Variants in FYN observed in about 807,000 individuals in gnomAD.
FYN encodes FYN proto-oncogene, Src family tyrosine kinase, also known as tyrosine-protein kinase Fyn.
Under a neutral mutation model 70.2 loss-of-function variants are expected in FYN, and 10 were observed. The ratio of observed to expected loss-of-function variants is 0.14; its 90% CI spans 0.09 to 0.24. The LOEUF is 0.24. FYN is among the 10% of genes least tolerant of loss of function. The probability of loss-of-function intolerance (pLI) is 1.00; values close to 1 mark genes in which losing one functional copy is unlikely to be tolerated. For missense variants in FYN, 319 were observed against 673.1 expected, an observed-to-expected ratio of 0.47 and a Z score of 5.82; for synonymous variants, 236 against 248.6, an observed-to-expected ratio of 0.95 and a Z score of 0.48.
intron 12 of FYN, among the ~76,000 whole-genome samples, chr6:111,676,905 A>AT (rs1282235102): frequency 6.6e-6 from 1 of 152,200 alleles, no homozygotes; most frequent in Non-Finnish European, 1.5e-5. Flanking sequence ...ATAATTTCAG[A>AT]TTAAAAAAAA....
At chr6:111,717,593 C>T (rs1001592028) in intron 4 of FYN, among the ~76,000 whole-genome samples, 1 of 152,066 alleles carries the variant, frequency 6.6e-6, no homozygotes, top group South Asian at 2.1e-4. Context: ...TCCCGAGTAG[C>T]TGGGATTACA....
chr6:111,823,483 G>A (rs927283543), intron 2 of FYN, among the ~76,000 whole-genome samples: 1 of 152,140 alleles, frequency 6.6e-6, no homozygotes, highest in African/African-American at 2.4e-5. Context: ...TTGGCATTGA[G>A]GAGAAAATGT....
intron 2 of FYN, among the ~76,000 whole-genome samples, chr6:111,794,077 C>T (rs561853109): frequency 1.1e-4 from 16 of 152,322 alleles, no homozygotes; most frequent in Admixed American, 7.8e-4. Context: ...GAGAAGATCC[C>T]GGGGCAGGGC....
chr6:111,844,950 T>C (rs960063245), intron 2 of FYN: 7 of 152,228 alleles, frequency 4.6e-5, no homozygotes, highest in African/African-American at 1.4e-4. Flanking sequence ...AAAATGAAAC[T>C]TGGGGAGGAG....
intron 3 of FYN, among the ~76,000 whole-genome samples, chr6:111,770,060 G>A (rs1315171660): frequency 6.6e-6 from 1 of 152,046 alleles, no homozygotes; most frequent in African/African-American, 2.4e-5. Context: ...AACATAGCTG[G>A]GTGTGACCTT....
At chr6:111,793,475 A>C (rs1348905567) in intron 2 of FYN, 1 of 152,126 alleles carries the variant, frequency 6.6e-6, no homozygotes, top group East Asian at 1.9e-4. Flanking sequence ...CAAAGTAGGC[A>C]CTCAACATTG....
chr6:111,764,678 C>T (rs1175867984), intron 3 of FYN, among the ~76,000 whole-genome samples: 3 of 152,162 alleles, frequency 2.0e-5, no homozygotes, highest in Non-Finnish European at 4.4e-5. Context: ...AATTAGAGTG[C>T]ATTCTCCCAC....
chr6:111,707,389 A>C (rs534380097), intron 6 of FYN, among the ~76,000 whole-genome samples: 3 of 152,372 alleles, frequency 2.0e-5, no homozygotes, highest in Middle Eastern at 3.4e-3. Context: ...CAAAGAAGCC[A>C]ACTGAGGTTC....
At chr6:111,744,261 C>T (rs538973880) in intron 3 of FYN, among the ~76,000 whole-genome samples, 1 of 152,310 alleles carries the variant, frequency 6.6e-6, no homozygotes, top group African/African-American at 2.4e-5. Context: ...TGCGTTAGGG[C>T]CCACACCTGT....
At chr6:111,738,262 T>C (rs775578416) in intron 3 of FYN, among the ~76,000 whole-genome samples, 6 of 152,254 alleles carry the variant, frequency 3.9e-5, no homozygotes, top group Non-Finnish European at 7.3e-5. Context: ...GAACCATGCC[T>C]ACCTGAAACA....
intron 4 of FYN, among the ~76,000 whole-genome samples, chr6:111,716,716 A>G (rs1389918216): frequency 6.6e-6 from 1 of 152,106 alleles, no homozygotes; most frequent in Non-Finnish European, 1.5e-5. Context: ...AAAAATTATG[A>G]AGAAAGATCT....
chr6:111,806,742 C>A (rs1304909119), intron 2 of FYN, among the ~76,000 whole-genome samples: 1 of 152,142 alleles, frequency 6.6e-6, no homozygotes, highest in Non-Finnish European at 1.5e-5. Flanking sequence ...GCTGCTGGCA[C>A]CTGGGCATGC....
intron 12 of FYN, among the ~76,000 whole-genome samples, chr6:111,689,567 C>T (rs1476347978): frequency 6.6e-6 from 1 of 152,136 alleles, no homozygotes; most frequent in African/African-American, 2.4e-5. Flanking sequence ...AATGGAGGCT[C>T]TGTGATATAT....
intron 3 of FYN, among the ~76,000 whole-genome samples, chr6:111,768,835 T>C (rs1018829435): frequency 1.3e-5 from 2 of 152,238 alleles, no homozygotes; most frequent in East Asian, 3.8e-4. Context: ...TGGAGTCAAC[T>C]ATAATTTCTG....
intron 2 of FYN, among the ~76,000 whole-genome samples, chr6:111,833,646 C>T (rs1385048366): frequency 6.6e-6 from 1 of 152,184 alleles, no homozygotes; most frequent in Non-Finnish European, 1.5e-5. Flanking sequence ...AAATCTACAT[C>T]CTTCTCTTCA....
intron 3 of FYN, among the ~76,000 whole-genome samples, chr6:111,758,132 G>T (rs573032254): frequency 1.3e-4 from 20 of 152,256 alleles, no homozygotes; most frequent in African/African-American, 4.8e-4. Flanking sequence ...AATAAGCAAA[G>T]ATAGTAGACT....
chr6:111,760,679 C>T (rs1802968414), intron 3 of FYN, among the ~76,000 whole-genome samples: 1 of 152,210 alleles, frequency 6.6e-6, no homozygotes, highest in Non-Finnish European at 1.5e-5. Flanking sequence ...GCACGGAGCC[C>T]AGGCTGCAAT....
intron 13 of FYN, among the ~76,000 whole-genome samples, chr6:111,663,479 G>A (rs1188028125): frequency 6.6e-6 from 1 of 152,216 alleles, no homozygotes; most frequent in Non-Finnish European, 1.5e-5. Flanking sequence ...GTGGAGCTGA[G>A]TGTATCCTGG....
intron 3 of FYN, among the ~76,000 whole-genome samples, chr6:111,767,987 C>T (rs1001015922): frequency 6.6e-6 from 1 of 152,206 alleles, no homozygotes; most frequent in Non-Finnish European, 1.5e-5. Context: ...ACACTTTTCA[C>T]TTCCTTGCCT....
Sources: gnomAD v4.1 joint callset for allele counts (sites outside exome capture counted in the v4.1 genomes callset) on GRCh38, gnomAD v4.1.1 for gene constraint, MANE v1.5 for transcripts, NCBI Gene and HGNC (gene_info 2026-07-23, HGNC 2026-07-21) for gene names.